HCN2: variants seen among roughly 807,000 people sequenced by gnomAD.
The protein encoded by HCN2 is potassium/sodium hyperpolarization-activated cyclic nucleotide-gated channel 2.
Under a neutral mutation model 52.3 loss-of-function variants are expected in HCN2, and 20 were observed. The observed-to-expected ratio is 0.38, with a 90% CI of 0.27 to 0.56. The LOEUF (loss-of-function observed/expected upper bound fraction) is 0.56, where lower values mean the gene tolerates loss of function less well. Among genes scored for constraint, HCN2 ranks in the 20% least tolerant of loss-of-function variants. HCN2 has a pLI of 0.71. For missense variants in HCN2, 981 were observed against 1,207.7 expected (o/e 0.81, Z 2.78); for synonymous variants, 694 against 537.0 (o/e 1.29, Z -4.04).
chr19:600,624 CGTG>C (rs1568362850), intron 1 of HCN2, among the ~76,000 whole-genome samples: 1 of 151,944 alleles, frequency 6.6e-6, no homozygotes, highest in African/African-American at 2.4e-5. Flanking sequence ...GGATTACAGA[CGTG>C]AGCCACCACA....
At chr19:596,481 G>C (rs1276768989) in intron 1 of HCN2, among the ~76,000 whole-genome samples, 2 of 152,226 alleles carry the variant, frequency 1.3e-5, no homozygotes, top group Non-Finnish European at 2.9e-5. Flanking sequence ...GCCTGCGAGG[G>C]CCAAGCTGGA....
At chr19:613,638 CGGGGATGGGGAT>C (rs1291646632) in intron 6 of HCN2, 150 bp downstream of exon 6, 1,364 of 37,450 alleles carry the variant, frequency 0.036, 107 homozygotes, top group African/African-American at 0.067. Context: ...GGGATGGGGC[CGGGGATGGGGAT>C]GGGGATGGGG....
chr19:605,236 G>C lies in HCN2; in HGVS notation c.1218+14G>C. On this transcript the variant is annotated intron_variant, in intron 3 of 7. Coordinates refer to ENST00000251287, the MANE Select transcript of HCN2 (RefSeq NM_001194.4). ...AATGGCATGGTGGTGAGCGCCGCGGGCCCTGACGGAGGGGGAGACGCAGGC... is the reference window on the plus strand; with the variant it reads ...AATGGCATGGTGGTGAGCGCCGCGGCCCCTGACGGAGGGGGAGACGCAGGC... 1 of 1,608,698 alleles carries C rather than the reference G, an allele frequency of 6.2e-7. No individual in the cohort carries two copies. The highest frequency in any genetic ancestry group is 8.5e-7 in the Non-Finnish European group (1 of 1,178,382).
intron 1 of HCN2, among the ~76,000 whole-genome samples, chr19:597,941 GGGGGAGGTTTCTA>G (rs371443610): frequency 0.018 from 2,759 of 152,340 alleles, 82 homozygotes; most frequent in African/African-American, 0.062. Flanking sequence ...CGCCCCTCGT[GGGGGAGGTTTCTA>G]GGCCCTGTGG....
At chr19:612,722 TCCC>T (rs1270567551) in intron 5 of HCN2, among the ~76,000 whole-genome samples, 3 of 140,284 alleles carry the variant, frequency 2.1e-5, no homozygotes, top group Admixed American at 1.4e-4. Flanking sequence ...GCCTTATTTT[TCCC>T]CCATTTTCTT....
chr19:602,467 G>T (rs1983238894), intron 1 of HCN2, among the ~76,000 whole-genome samples: 1 of 152,176 alleles, frequency 6.6e-6, no homozygotes, highest in African/African-American at 2.4e-5. Context: ...AATGCAGCCG[G>T]TGCTGCCCTG....
chr19:601,096 T>G (rs1340605176), intron 1 of HCN2, among the ~76,000 whole-genome samples: 1 of 152,184 alleles, frequency 6.6e-6, no homozygotes, highest in Non-Finnish European at 1.5e-5. Flanking sequence ...AGAAGGATCA[T>G]GAGGTCAGGG....
chr19:611,871 C>A (rs559416198), intron 5 of HCN2, among the ~76,000 whole-genome samples: 1 of 152,164 alleles, frequency 6.6e-6, no homozygotes, highest in African/African-American at 2.4e-5. Flanking sequence ...TATGGCCAGG[C>A]GTGGTGGCTC....
chr19:609,231 C>T (rs891574185), intron 4 of HCN2, among the ~76,000 whole-genome samples: 6 of 152,192 alleles, frequency 3.9e-5, no homozygotes, highest in South Asian at 4.1e-4. Context: ...GGGGCTGGGG[C>T]GGAAGTGAGG....
chr19:607,626 C>T lies in HCN2; in HGVS notation c.1219-338C>T, dbSNP rs182831617. On this transcript the variant is annotated intron_variant, in intron 3 of 7. Transcript: ENST00000251287. ...GCCCGCCCTGCCCCTCTGCTCTGGC[C>T]CAGATGCTCCCTGGAACTTTTGCCC... Among the ~76,000 whole-genome samples the T allele has an allele frequency of 2.7e-3, 407 of 152,314 alleles. 2 individuals are homozygous for T. The highest frequency in any genetic ancestry group is 9.3e-3 in the African/African-American group (387 of 41,572).
chr19:600,918 G>A (rs932418310), intron 1 of HCN2, among the ~76,000 whole-genome samples: 1 of 151,940 alleles, frequency 6.6e-6, no homozygotes, highest in Non-Finnish European at 1.5e-5. Context: ...GACAGAAACC[G>A]CACCCCGCAC....
At chr19:593,415 G>A (rs907637032) in intron 1 of HCN2, among the ~76,000 whole-genome samples, 2 of 152,160 alleles carry the variant, frequency 1.3e-5, no homozygotes, top group African/African-American at 4.8e-5. Context: ...TCAGGAGTTC[G>A]AGAGCAGCCT....
At position 611,293 on chromosome 19, in the gene HCN2, G is replaced by A. The variant is rs762002416; in HGVS notation, c.1584+888G>A. 1.4e-4 allele frequency among the ~76,000 whole-genome samples: 22 copies of A among 152,348 alleles called. 1 individual carries two copies. Among genetic ancestry groups the A allele is most frequent in the Middle Eastern group, 6.8e-3 (2 of 294 alleles). On this transcript the variant is annotated intron_variant, in intron 5 of 7. Transcript: ENST00000251287. Reference sequence around the variant, plus strand: ...CTTGAAGGTCCCACCCTCAGGAAGCGGGGCCTAGGGATGGCGGCCGTGATC... The same window carrying A: ...CTTGAAGGTCCCACCCTCAGGAAGCAGGGCCTAGGGATGGCGGCCGTGATC...
In HCN2 at chr19:590,330, G is replaced by C. The variant is rs1365538285; in HGVS notation, c.385G>C (p.Gly129Arg). 2.9e-6 allele frequency: 3 copies of C among 1,034,664 alleles called. No homozygotes were observed. Among genetic ancestry groups the C allele is most frequent in the South Asian group, 4.4e-5 (1 of 22,566 alleles). 64.1% of individuals were successfully genotyped at this position (1,034,664 alleles called of 1,614,324 possible). ...GCCCAAGGTGTCGTTCTCGTGCCGC[G>C]GGGCGGCCTCGGGGCCCGCGCCGGG... The part of the protein sequence containing the change: ...RGPKVSFSCR[G>R]AASGPAPGPG... The change falls in exon 1 of 8, where the codon GGG becomes CGG. Residue 129 changes from glycine (G) to arginine (R), a missense_variant. This residue lies in a region of HCN2 where 215 missense variants were observed against 179.4 expected (regional missense o/e 1.20). Transcript: ENST00000251287. This position sits in a 1 kb window ranked among gnomAD's most constrained non-coding sequence, Gnocchi z 7.2.
At chr19:602,607 G>A (rs535025366) in intron 1 of HCN2, among the ~76,000 whole-genome samples, 7 of 152,170 alleles carry the variant, frequency 4.6e-5, no homozygotes, top group African/African-American at 1.2e-4. Context: ...CTCCCTGTGC[G>A]CGCCGCCCTG....
At position 616,785 on chromosome 19, in the gene HCN2, G is replaced by C. The variant is rs1239170272; in HGVS notation, c.*311G>C. 1 of 220,560 alleles carries C rather than the reference G, an allele frequency of 4.5e-6. No homozygotes were observed. 13.7% of individuals were successfully genotyped at this position (220,560 alleles called of 1,614,324 possible). A position where few individuals can be genotyped will look rare whatever the true frequency, so the allele number is the denominator to read the frequency against. On this transcript the variant is annotated 3_prime_UTR_variant, in exon 8 of 8. Coordinates refer to ENST00000251287, the MANE Select transcript of HCN2 (RefSeq NM_001194.4). ...TAAGACAGGGACGGGGCGGCCCAGT[G>C]GCTGAGAGGAGCCGGCTGTGGAGCC...
chr19:590,528 C>T lies in HCN2; in HGVS notation c.583C>T (p.Arg195Cys). The T allele has an allele frequency of 6.6e-7, 1 of 1,510,866 alleles. No homozygotes were observed. The highest frequency in any genetic ancestry group is 8.9e-7 in the Non-Finnish European group (1 of 1,122,930). The allele number at this position is 1,510,866 out of a possible 1,614,324, so 93.6% of individuals were successfully genotyped here. A position where few individuals can be genotyped will look rare whatever the true frequency, so the allele number is the denominator to read the frequency against. Residue 195 changes from arginine (R) to cysteine (C), a missense_variant, in exon 1 of 8, where the codon CGC (arginine) becomes TGC (cysteine). Arg to Cys is a radical substitution (Grantham distance 180). This residue lies in a region of HCN2 where 23 missense variants were observed against 20.3 expected (regional missense o/e 1.13). Transcript: ENST00000251287. The surrounding 1 kb of genome is among the most constrained non-coding windows in gnomAD (Gnocchi z 7.2). ...SQKAVEREQERVKSAGAWIIH... is the reference protein window; with the variant it reads ...SQKAVEREQECVKSAGAWIIH... ...GAAGGCCGTGGAGCGCGAGCAGGAG[C>T]GCGTCAAGTCGGCGGGGGCCTGGAT...
chr19:613,833 C>G lies in HCN2; in HGVS notation c.1826-19C>G, dbSNP rs370635380. The G allele has an allele frequency of 5.0e-5, 76 of 1,531,020 alleles. No individual in the cohort carries two copies. Among genetic ancestry groups the G allele is most frequent in the South Asian group, 2.6e-4 (21 of 80,790 alleles). 94.8% of individuals were successfully genotyped at this position (1,531,020 alleles called of 1,614,324 possible). A position where few individuals can be genotyped will look rare whatever the true frequency, so the allele number is the denominator to read the frequency against. On this transcript the variant is annotated intron_variant, in intron 6 of 7. Coordinates refer to ENST00000251287, the MANE Select transcript of HCN2 (RefSeq NM_001194.4). The stretch of plus-strand genomic sequence containing the variant: ...GCGCCCGCCTCGTCCAGCAACCCCC[C>G]CCTGCGCGCCACGTGCAGAGATCTG...
intron 1 of HCN2, among the ~76,000 whole-genome samples, chr19:593,862 C>T (rs906193122): frequency 1.3e-5 from 2 of 152,282 alleles, no homozygotes; most frequent in Middle Eastern, 6.8e-3. Flanking sequence ...GGCGTGAAAA[C>T]CAAGAAGGAA....
Sources: gnomAD v4.1 joint callset for allele counts (sites outside exome capture counted in the v4.1 genomes callset) on GRCh38, gnomAD v4.1.1 for gene constraint, gnomAD v4.1.1 regional missense constraint, Gnocchi (gnomAD v3.1) non-coding constraint, MANE v1.5 for transcripts, NCBI Gene and HGNC (gene_info 2026-07-23, HGNC 2026-07-21) for gene names.